Variants in ZNF710 observed in about 807,000 individuals in gnomAD.
The protein encoded by ZNF710 is zinc finger protein 710.
Under a neutral mutation model 50.6 loss-of-function variants are expected in ZNF710, and 13 were observed. The ratio of observed to expected loss-of-function variants is 0.26; its 90% CI spans 0.17 to 0.41. The LOEUF (loss-of-function observed/expected upper bound fraction) is 0.41, where lower values mean the gene tolerates loss of function less well. Ranked by LOEUF, ZNF710 falls within the 10% of genes least tolerant of loss-of-function variation. The pLI, the probability that ZNF710 is intolerant of heterozygous loss-of-function variation, is 1.00. For synonymous variants in ZNF710, 383 were observed against 397.0 expected (o/e 0.96, Z 0.42); for missense variants, 721 against 936.6 (o/e 0.77, Z 3.01).
At chr15:90,077,018 T>G (rs939983601) in intron 4 of ZNF710, among the ~76,000 whole-genome samples, 5 of 152,160 alleles carry the variant, frequency 3.3e-5, no homozygotes, top group Non-Finnish European at 7.3e-5. Context: ...ACAGCCTTGG[T>G]CTGGGAAGCC....
At chr15:90,056,291 G>A (rs753333625) in intron 1 of ZNF710, among the ~76,000 whole-genome samples, 4 of 152,092 alleles carry the variant, frequency 2.6e-5, no homozygotes, top group Non-Finnish European at 5.9e-5. Context: ...GCGCATGCCT[G>A]TAATCCCAGC....
In ZNF710 at chr15:90,051,247, A is replaced by AG. The variant is rs1430400270; in HGVS notation, c.-28-15863_-28-15862insG. ...CAGCCAGACTCCGTCTCAAAAAAAA[A>AG]AAAAAAAAATTAGCGGTCACTCCCA... On this transcript the variant is annotated intron_variant, in intron 1 of 4. Transcript: ENST00000268154. 2.6e-5 allele frequency among the ~76,000 whole-genome samples: 4 copies of AG among 151,574 alleles called. No individual in the cohort carries two copies. The East Asian group carries it at 7.7e-4, about 29-fold the overall frequency.
chr15:90,065,590 C>T (rs893890469), intron 1 of ZNF710, among the ~76,000 whole-genome samples: 4 of 148,886 alleles, frequency 2.7e-5, no homozygotes, highest in African/African-American at 1.0e-4. Context: ...TGGGAAAAGG[C>T]TGCCCCAGGT....
rs543864301 is a variant in ZNF710 at position 90,074,003 on chromosome 15, A to C, written c.1651-113A>C. 33 of 1,214,240 alleles carry C rather than the reference A, an allele frequency of 2.7e-5. 1 individual carries two copies. The African/African-American group carries it at 4.0e-4, about 15-fold the overall frequency. The allele number at this position is 1,214,240 out of a possible 1,614,324, so 75.2% of individuals were successfully genotyped here. Reference sequence around the variant, plus strand: ...AGAGTCTGTCTCAAAAAAAAAACAAAAAAAAAAAACAAAAGAATAGGATTC... The same window carrying C: ...AGAGTCTGTCTCAAAAAAAAAACAACAAAAAAAAACAAAAGAATAGGATTC... On this transcript the variant is annotated intron_variant, in intron 3 of 4. Coordinates refer to ENST00000268154, the MANE Select transcript of ZNF710 (RefSeq NM_198526.4).
At position 90,057,723 on chromosome 15, in the gene ZNF710, T is replaced by TAATAATA. The variant is rs933717391; in HGVS notation, c.-28-9384_-28-9383insAATAAAT. On this transcript the variant is annotated intron_variant, in intron 1 of 4. Coordinates refer to ENST00000268154, the MANE Select transcript of ZNF710 (RefSeq NM_198526.4). ...ATAATAATAATAATAATAATAATAA[T>TAATAATA]AATTTGGAGAATCAGAATCACTTAA... Among the ~76,000 whole-genome samples the TAATAATA allele has an allele frequency of 8.7e-5, 13 of 148,988 alleles. No individual in the cohort carries two copies. The East Asian group carries it at 2.6e-3, about 29-fold the overall frequency.
intron 1 of ZNF710, among the ~76,000 whole-genome samples, chr15:90,044,828 G>A (rs1390914092): frequency 1.3e-5 from 2 of 152,108 alleles, no homozygotes; most frequent in African/African-American, 2.4e-5. Flanking sequence ...GGATAGCACC[G>A]CAGCAAGGCC....
Position 90,079,706 on chromosome 15 carries a change from C to A in ZNF710, c.1872C>A (p.Gly624=). The A allele has an allele frequency of 6.2e-7, 1 of 1,613,970 alleles. No individual in the cohort carries two copies. Among genetic ancestry groups the A allele is most frequent in the Non-Finnish European group, 8.5e-7 (1 of 1,179,952 alleles). ...GCACTGACCCTTCAGAGCTCGACGG[C>A]CAGCAGGAGATGGAGGACTTCGAGG... ...LTGTDPSELD[G]QQEMEDFEEN... is the part of the protein sequence containing the mutation. The change falls in exon 5 of 5, where the codon GGC becomes GGA. Residue 624 remains glycine, a synonymous_variant. Coordinates refer to ENST00000268154, the MANE Select transcript of ZNF710 (RefSeq NM_198526.4).
chr15:90,019,894 A>G (rs1405512798), intron 1 of ZNF710, among the ~76,000 whole-genome samples: 1 of 152,176 alleles, frequency 6.6e-6, no homozygotes, highest in African/African-American at 2.4e-5. Context: ...CTTTCTTCCA[A>G]GAGAATGCTC....
At chr15:90,039,138 G>A (rs771382455) in intron 1 of ZNF710, among the ~76,000 whole-genome samples, 18 of 152,112 alleles carry the variant, frequency 1.2e-4, no homozygotes, top group Non-Finnish European at 2.1e-4. Flanking sequence ...AATTAGCCAG[G>A]CGTGGTGGCA....
chr15:90,019,673 C>T (rs894581729), intron 1 of ZNF710, among the ~76,000 whole-genome samples: 6 of 152,136 alleles, frequency 3.9e-5, no homozygotes. Context: ...GCACAGCTGA[C>T]CTAGGAAAGG....
chr15:90,030,344 A>AAAAG (rs1425194593), intron 1 of ZNF710, among the ~76,000 whole-genome samples: 2 of 150,414 alleles, frequency 1.3e-5, no homozygotes, highest in Non-Finnish European at 3.0e-5. Context: ...AAAAAAAAAA[A>AAAAG]AAAAAAAAAG....
At chr15:90,013,908 G>A (rs763947202) in intron 1 of ZNF710, among the ~76,000 whole-genome samples, 10 of 152,054 alleles carry the variant, frequency 6.6e-5, no homozygotes, top group African/African-American at 1.4e-4. Flanking sequence ...GAGTGTACAC[G>A]TTCGGACCCC....
At chr15:90,001,973 GAGA>G (rs1898024165) in intron 1 of ZNF710, among the ~76,000 whole-genome samples, 1 of 146,402 alleles carries the variant, frequency 6.8e-6, no homozygotes, top group Admixed American at 6.7e-5. Context: ...GAATGAGAGA[GAGA>G]GAGAGAGAGA....
At chr15:90,000,947 G>A (rs1897995198), upstream of ZNF710, among the ~76,000 whole-genome samples, 1 of 151,500 alleles carries the variant, frequency 6.6e-6, no homozygotes, top group African/African-American at 2.4e-5. Context: ...CCTCTTCCCC[G>A]CTTCAGTTAA....
chr15:90,002,553 G>C (rs1034985507), intron 1 of ZNF710: 5 of 152,346 alleles, frequency 3.3e-5, no homozygotes, highest in African/African-American at 1.2e-4. Flanking sequence ...AGGCTACCAG[G>C]TGGGCGCGCG....
intron 1 of ZNF710, among the ~76,000 whole-genome samples, chr15:90,005,510 G>A (rs560660747): frequency 2.0e-5 from 3 of 152,036 alleles, no homozygotes; most frequent in East Asian, 1.9e-4. Context: ...GTGCAGTGGC[G>A]CGATCTCAGC....
intron 1 of ZNF710, among the ~76,000 whole-genome samples, chr15:90,031,938 C>T (rs1005383508): frequency 6.6e-6 from 1 of 152,192 alleles, no homozygotes; most frequent in African/African-American, 2.4e-5. Flanking sequence ...GACTAAAGCC[C>T]ATTTTCATCT....
chr15:90,052,776 C>CA (rs926267416), intron 1 of ZNF710, among the ~76,000 whole-genome samples: 3 of 151,956 alleles, frequency 2.0e-5, no homozygotes, highest in Non-Finnish European at 2.9e-5. Context: ...ACTAAAAATA[C>CA]AAAAAAACTA....
At chr15:90,015,184 C>T (rs1005834327) in intron 1 of ZNF710, among the ~76,000 whole-genome samples, 2 of 152,200 alleles carry the variant, frequency 1.3e-5, no homozygotes, top group Non-Finnish European at 2.9e-5. Flanking sequence ...AGCCACTGCG[C>T]CTGGCCCATC....
Sources: allele counts gnomAD v4.1 joint callset (sites outside exome capture counted in the v4.1 genomes callset), GRCh38; gene constraint gnomAD v4.1.1; transcripts MANE v1.5; gene names NCBI Gene and HGNC (gene_info 2026-07-23, HGNC 2026-07-21).